Variants in PKHD1L1 observed in about 807,000 individuals in gnomAD.
The protein encoded by PKHD1L1 is fibrocystin-L.
A neutral mutation model predicts 462.9 loss-of-function variants in PKHD1L1; 434 were observed. The ratio of observed to expected loss-of-function variants is 0.94; its 90% confidence interval spans 0.87 to 1.02. PKHD1L1 has a LOEUF of 1.02. PKHD1L1 is among the 50% of genes least tolerant of loss of function. The probability of loss-of-function intolerance (pLI) is 0.00; values close to 1 mark genes in which losing one functional copy is unlikely to be tolerated. For missense variants in PKHD1L1, 5,202 were observed against 5,096.1 expected, an observed-to-expected ratio of 1.02 and a Z score of -0.63; for synonymous variants, 1,781 against 1,750.0, an observed-to-expected ratio of 1.02 and a Z score of -0.44.
Position 109,486,675 on chromosome 8 carries a change from G to A in PKHD1L1, c.9734G>A (p.Gly3245Asp). 4.3e-6 allele frequency: 7 copies of A among 1,612,004 alleles called. No homozygotes were observed. Among genetic ancestry groups the A allele is most frequent in the Non-Finnish European group, 5.9e-6 (7 of 1,178,688 alleles). ...GAAAAATACCATGTCCCTGGAACTGGTGAGAGCTACACGTTAGCAGCTGAT... is the reference window on the plus strand; with the variant it reads ...GAAAAATACCATGTCCCTGGAACTGATGAGAGCTACACGTTAGCAGCTGAT... Reference protein sequence around the residue: ...FAEKYHVPGTGESYTLAADVG... With the variant: ...FAEKYHVPGTDESYTLAADVG... Residue 3245 changes from glycine to aspartate, a missense_variant, in exon 59 of 78, where the codon GGT becomes GAT. Gly to Asp is a moderately conservative substitution (Grantham distance 94). Transcript: ENST00000378402.
intron 25 of PKHD1L1, among the ~76,000 whole-genome samples, chr8:109,428,426 A>T (rs1814897733): frequency 1.3e-5 from 2 of 152,222 alleles, no homozygotes; most frequent in Non-Finnish European, 2.9e-5. Flanking sequence ...AACTCTACTT[A>T]TGAAATCATT....
At chr8:109,510,327 T>C (rs1467163300) in intron 70 of PKHD1L1, among the ~76,000 whole-genome samples, 1 of 152,178 alleles carries the variant, frequency 6.6e-6, no homozygotes, top group Non-Finnish European at 1.5e-5. Flanking sequence ...AACTCTATTA[T>C]AGCACATTTC....
intron 9 of PKHD1L1, among the ~76,000 whole-genome samples, chr8:109,391,526 T>C (rs1812711143): frequency 6.6e-6 from 1 of 152,174 alleles, no homozygotes; most frequent in Non-Finnish European, 1.5e-5. Flanking sequence ...GTGGGCAGTA[T>C]CATGATGTGC....
chr8:109,384,201 T>C, intron 5 of PKHD1L1, 74 bp downstream of exon 5: 1 of 1,136,548 alleles, frequency 8.8e-7, no homozygotes, highest in Non-Finnish European at 1.3e-6. Context: ...TATATGAAAT[T>C]AGTATAATTC....
intron 68 of PKHD1L1, among the ~76,000 whole-genome samples, chr8:109,505,716 T>C (rs1418585841): frequency 6.6e-6 from 1 of 150,952 alleles, no homozygotes; most frequent in African/African-American, 2.4e-5. Flanking sequence ...CTGGGCAACA[T>C]AGGGAGATAC....
In PKHD1L1 at chr8:109,464,891, A is replaced by G. The variant is rs765837775; in HGVS notation, c.8059A>G (p.Arg2687Gly). The G allele has an allele frequency of 6.2e-7, 1 of 1,613,816 alleles. No homozygotes were observed. The highest frequency in any genetic ancestry group is 2.2e-5 in the East Asian group (1 of 44,866). ...CTATGAGGCTGGAATTGAGACTAAG[A>G]GGATCCTGGCTCCTTATGTTGGAGG... ...NNYEAGIETK[R>G]ILAPYVGGWG... The change falls in exon 49 of 78, where the codon AGG becomes GGG. Residue 2687 changes from arginine to glycine, a missense_variant. Coordinates refer to ENST00000378402, the MANE Select transcript of PKHD1L1 (RefSeq NM_177531.6).
At chr8:109,517,705 A>T (rs1346851195) in intron 72 of PKHD1L1, among the ~76,000 whole-genome samples, 1 of 152,142 alleles carries the variant, frequency 6.6e-6, no homozygotes, top group Non-Finnish European at 1.5e-5. Flanking sequence ...TTTTGTCCTT[A>T]GTTAAAATAG....
chr8:109,423,751 A>G (rs1041194175), intron 23 of PKHD1L1, among the ~76,000 whole-genome samples: 12 of 152,278 alleles, frequency 7.9e-5, no homozygotes, highest in African/African-American at 2.6e-4. Context: ...CTTCCAATCC[A>G]TGAACACAGT....
At chr8:109,363,346 G>A (rs1175676264) in intron 1 of PKHD1L1, among the ~76,000 whole-genome samples, 3 of 152,170 alleles carry the variant, frequency 2.0e-5, no homozygotes, top group African/African-American at 7.2e-5. Context: ...GGCAAAGACA[G>A]ACCCGAGGTA....
chr8:109,472,575 C>A (rs958978192), intron 50 of PKHD1L1, among the ~76,000 whole-genome samples: 3 of 152,136 alleles, frequency 2.0e-5, no homozygotes, highest in African/African-American at 7.2e-5. Flanking sequence ...ACTTATCTTT[C>A]TGACGCCGCA....
chr8:109,426,986 C>A lies in PKHD1L1; in HGVS notation c.2846-16C>A. Reference sequence around the variant, plus strand: ...AATTGTGACTCCTGCTGTTTGCCACCCCTCTGTGAGTGCAGGCCTCCCCGC... The same window carrying A: ...AATTGTGACTCCTGCTGTTTGCCACACCTCTGTGAGTGCAGGCCTCCCCGC... On this transcript the variant is annotated splice_polypyrimidine_tract_variant and intron_variant, in intron 24 of 77. Coordinates refer to ENST00000378402, the MANE Select transcript of PKHD1L1 (RefSeq NM_177531.6). The A allele has an allele frequency of 7.5e-7, 1 of 1,341,028 alleles. No individual in the cohort carries two copies. The highest frequency in any genetic ancestry group is 1.1e-6 in the Non-Finnish European group (1 of 932,246). The allele number at this position is 1,341,028 out of a possible 1,614,324, so 83.1% of individuals were successfully genotyped here. A position where few individuals can be genotyped will look rare whatever the true frequency, so the allele number is the denominator to read the frequency against.
chr8:109,364,426 T>G, intron 1 of PKHD1L1, 121 bp from the exon 2 acceptor site: 1 of 748,920 alleles, frequency 1.3e-6, no homozygotes, highest in African/African-American at 1.8e-5. Context: ...TGAATTTTAC[T>G]TTCAATCCTG....
At position 109,511,529 on chromosome 8, in the gene PKHD1L1, A is replaced by C. The variant is rs547665776; in HGVS notation, c.11553+595A>C. Among the ~76,000 whole-genome samples the C allele has an allele frequency of 5.9e-5, 9 of 151,782 alleles. No individual in the cohort carries two copies. The South Asian group carries it at 1.0e-3, about 18-fold the overall frequency. Reference sequence around the variant, plus strand: ...TCCCTACAAAGGACATGAACTCATCATTTTTTATGGCTGCATAGTATTCCA... The same window carrying C: ...TCCCTACAAAGGACATGAACTCATCCTTTTTTATGGCTGCATAGTATTCCA... On this transcript the variant is annotated intron_variant, in intron 71 of 77. Coordinates refer to ENST00000378402, the MANE Select transcript of PKHD1L1 (RefSeq NM_177531.6).
chr8:109,403,413 G>A (rs959071964), intron 14 of PKHD1L1, among the ~76,000 whole-genome samples: 1 of 152,068 alleles, frequency 6.6e-6, no homozygotes, highest in Admixed American at 6.6e-5. Context: ...CTTAGCATTT[G>A]TTATTCATAT....
chr8:109,404,691 C>T lies in PKHD1L1; in HGVS notation c.1511C>T (p.Ser504Leu), dbSNP rs758050751. ...VNEEQVIKSQ[S>L]TILQEVQVIT... ...GAAGAACAAGTTATCAAATCCCAGT[C>T]GACAATCCTCCAGGAAGTACAGGTT... The change falls in exon 15 of 78, where the codon TCG (serine) becomes TTG (leucine). Residue 504 changes from serine (S) to leucine (L), a missense_variant. By Grantham distance (145) the Ser-to-Leu change is moderately radical (BLOSUM62 -2). Transcript: ENST00000378402. 4 of 1,604,900 alleles carry T rather than the reference C, an allele frequency of 2.5e-6. No homozygotes were observed. Among genetic ancestry groups the T allele is most frequent in the Admixed American group, 3.4e-5 (2 of 58,574 alleles).
intron 38 of PKHD1L1, among the ~76,000 whole-genome samples, chr8:109,446,178 A>G (rs1361236780): frequency 6.6e-6 from 1 of 152,224 alleles, no homozygotes; most frequent in African/African-American, 2.4e-5. Flanking sequence ...TTCTAATTTA[A>G]CAATAGGTTG....
chr8:109,446,407 T>C (rs1203606917), intron 38 of PKHD1L1, among the ~76,000 whole-genome samples: 5 of 152,190 alleles, frequency 3.3e-5, no homozygotes, highest in Non-Finnish European at 5.9e-5. Context: ...ATTTCCTTAT[T>C]TATGCAGGTA....
intron 25 of PKHD1L1, among the ~76,000 whole-genome samples, chr8:109,427,895 T>G (rs967024236): frequency 1.9e-4 from 29 of 152,084 alleles, no homozygotes; most frequent in African/African-American, 6.5e-4. Context: ...TGCATGCCTG[T>G]AATCCCAGCT....
intron 23 of PKHD1L1, among the ~76,000 whole-genome samples, chr8:109,421,355 A>C (rs1814454499): frequency 6.6e-6 from 1 of 152,102 alleles, no homozygotes; most frequent in Non-Finnish European, 1.5e-5. Flanking sequence ...TTTATGATTA[A>C]AATTACTGAA....
Sources: allele counts gnomAD v4.1 joint callset (sites outside exome capture counted in the v4.1 genomes callset), GRCh38; gene constraint gnomAD v4.1.1; transcripts MANE v1.5; gene names NCBI Gene and HGNC (gene_info 2026-07-23, HGNC 2026-07-21).